Variants in ENAH observed in about 807,000 individuals in gnomAD.
ENAH encodes ENAH actin regulator, also known as protein enabled homolog.
Under a neutral mutation model 78.7 loss-of-function variants are expected in ENAH, and 23 were observed. The observed-to-expected ratio is 0.29, with a 90% CI of 0.21 to 0.41. The LOEUF is 0.41. Ranked by LOEUF, ENAH falls within the 10% of genes least tolerant of loss-of-function variation. The probability of loss-of-function intolerance (pLI) is 1.00; values close to 1 mark genes in which losing one functional copy is unlikely to be tolerated. For synonymous variants in ENAH, 226 were observed against 241.0 expected (o/e 0.94, Z 0.58); for missense variants, 544 against 691.0 (o/e 0.79, Z 2.39).
chr1:225,494,072 A>AAAAAC lies in ENAH; in HGVS notation c.*3702_*3703insGTTTT, dbSNP rs1416783619. 6.6e-6 allele frequency: 1 copy of AAAAAC among 150,620 alleles called. No homozygotes were observed. The highest frequency in any genetic ancestry group is 1.5e-5 in the Non-Finnish European group (1 of 67,570). 9.3% of individuals were successfully genotyped at this position (150,620 alleles called of 1,614,324 possible). On this transcript the variant is annotated 3_prime_UTR_variant, in exon 14 of 14. Coordinates refer to ENST00000366843, the MANE Select transcript of ENAH (RefSeq NM_018212.6). ...CATGAGACAGGCTAGAGCAAAAAAA[A>AAAAAC]AAAAAAAAAAACAGCTGAAAATTTT...
At chr1:225,650,870 A>AAG (rs1662855679) in intron 1 of ENAH, among the ~76,000 whole-genome samples, 2 of 150,352 alleles carry the variant, frequency 1.3e-5, no homozygotes, top group Non-Finnish European at 3.0e-5. Flanking sequence ...AAAAAAAAAA[A>AAG]AAAAAAAACT....
At chr1:225,524,745 G>A (rs1028156617) in intron 4 of ENAH, 2 of 746,040 alleles carry the variant, frequency 2.7e-6, no homozygotes, top group African/African-American at 3.8e-5. Context: ...TAGTACTGGT[G>A]ATTTGCGAAC....
chr1:225,511,545 T>G (rs1189980340), intron 10 of ENAH, among the ~76,000 whole-genome samples: 3 of 152,242 alleles, frequency 2.0e-5, no homozygotes, highest in Non-Finnish European at 4.4e-5. Flanking sequence ...CTCACTTTAT[T>G]TTTACCTCTA....
intron 3 of ENAH, among the ~76,000 whole-genome samples, chr1:225,554,426 A>G (rs1346590485): frequency 6.6e-6 from 1 of 152,190 alleles, no homozygotes; most frequent in Non-Finnish European, 1.5e-5. Flanking sequence ...CACTCCTAAA[A>G]TCTTTAAAAA....
rs562877663 is a variant in ENAH at position 225,606,195 on chromosome 1, C to T, written c.6-38781G>A. On this transcript the variant is annotated intron_variant, in intron 1 of 13. Transcript: ENST00000366843. Reference sequence around the variant, plus strand: ...ACCATATTTTGGCCAGGTGCAGTGGCTCATGCCTGTAATCCCAGCACTTTG... The same window carrying T: ...ACCATATTTTGGCCAGGTGCAGTGGTTCATGCCTGTAATCCCAGCACTTTG... Among the ~76,000 whole-genome samples the T allele has an allele frequency of 7.2e-5, 11 of 152,186 alleles. No individual in the cohort carries two copies. In the South Asian group the frequency reaches 2.1e-3, roughly 29 times the overall value.
At chr1:225,509,673 C>T (rs564387354) in intron 10 of ENAH, among the ~76,000 whole-genome samples, 3 of 152,190 alleles carry the variant, frequency 2.0e-5, no homozygotes, top group Non-Finnish European at 2.9e-5. Flanking sequence ...TAAATGTCCA[C>T]TGAACTCAGT....
At chr1:225,581,275 C>A in intron 1 of ENAH, 3 of 984,810 alleles carry the variant, frequency 3.0e-6, no homozygotes, top group Non-Finnish European at 3.6e-6. Context: ...TCTTCTTTTC[C>A]TCACATTATT....
intron 5 of ENAH, 176 bp downstream of exon 5, chr1:225,519,022 A>T: frequency 9.5e-7 from 1 of 1,048,858 alleles, no homozygotes; most frequent in Non-Finnish European, 1.4e-6. Context: ...AAAGCAATAC[A>T]GAGAGAAATA....
At chr1:225,542,583 C>T (rs1315756287) in intron 3 of ENAH, among the ~76,000 whole-genome samples, 1 of 152,220 alleles carries the variant, frequency 6.6e-6, no homozygotes, top group Non-Finnish European at 1.5e-5. Context: ...TCTAAAACAA[C>T]ACAAGACAGC....
chr1:225,501,110 T>C (rs745803565), intron 11 of ENAH, 40 bp from the exon 12 acceptor site: 10 of 1,471,662 alleles, frequency 6.8e-6, no homozygotes, highest in South Asian at 1.2e-5. Context: ...AACAACATTC[T>C]TAATACTTAA....
At chr1:225,557,957 C>T (rs2096675708) in intron 2 of ENAH, among the ~76,000 whole-genome samples, 1 of 152,136 alleles carries the variant, frequency 6.6e-6, no homozygotes, top group South Asian at 2.1e-4. Flanking sequence ...TTTATCAAGT[C>T]CTCCCCAACA....
chr1:225,499,668 T>C (rs1004619362), intron 12 of ENAH, among the ~76,000 whole-genome samples: 2 of 152,054 alleles, frequency 1.3e-5, no homozygotes, highest in Non-Finnish European at 2.9e-5. Flanking sequence ...TGAGACTCTG[T>C]CTCAAAAACA....
At chr1:225,602,626 T>C (rs1036331099) in intron 1 of ENAH, among the ~76,000 whole-genome samples, 5 of 152,094 alleles carry the variant, frequency 3.3e-5, no homozygotes, top group Non-Finnish European at 7.4e-5. Context: ...AAAGGTTATA[T>C]ATATATATCA....
intron 1 of ENAH, among the ~76,000 whole-genome samples, chr1:225,580,812 G>A (rs2096812635): frequency 6.6e-6 from 1 of 150,850 alleles, no homozygotes; most frequent in African/African-American, 2.4e-5. Flanking sequence ...AGCTACTTGG[G>A]AGGCTGAAGC....
In ENAH at chr1:225,517,288, T is replaced by G; in HGVS notation, c.821A>C (p.Glu274Ala). 2 of 1,551,762 alleles carry G rather than the reference T, an allele frequency of 1.3e-6. No homozygotes were observed. The highest frequency in any genetic ancestry group is 1.7e-6 in the Non-Finnish European group (2 of 1,147,090). ...TCCCAGCACAGAGTTTAGAGGAGTCTCAACAGAGGCAGGGGCAGCTGCAGA... is the reference window on the plus strand; with the variant it reads ...TCCCAGCACAGAGTTTAGAGGAGTCGCAACAGAGGCAGGGGCAGCTGCAGA... ...ISSAAAPASV[E>A]TPLNSVLGDS... Residue 274 changes from glutamate to alanine, a missense_variant, in exon 6 of 14, where the codon GAG becomes GCG. Physicochemically the swap from Glu to Ala is moderately radical, Grantham distance 107. This residue lies in a region of ENAH where 366 missense variants were observed against 396.1 expected (regional missense o/e 0.92). Transcript: ENST00000366843.
Position 225,496,306 on chromosome 1 carries a change from C to CA in ENAH, c.*1468dup, listed in dbSNP as rs1047565194. 2 of 152,222 alleles carry CA rather than the reference C, an allele frequency of 1.3e-5. No homozygotes were observed. The highest frequency in any genetic ancestry group is 2.4e-5 in the African/African-American group (1 of 41,444). 9.4% of individuals were successfully genotyped at this position (152,222 alleles called of 1,614,324 possible). A position where few individuals can be genotyped will look rare whatever the true frequency, so the allele number is the denominator to read the frequency against. On this transcript the variant is annotated 3_prime_UTR_variant, in exon 14 of 14. Transcript: ENST00000366843. Reference sequence around the variant, plus strand: ...GAGCACACACACGCAGAGTGGCAGGCAGAGTGTCTAATTCCTTCTTCCCAC... The same window carrying CA: ...GAGCACACACACGCAGAGTGGCAGGCAAGAGTGTCTAATTCCTTCTTCCCAC...
At chr1:225,599,782 C>T (rs1392654603) in intron 1 of ENAH, among the ~76,000 whole-genome samples, 2 of 138,318 alleles carry the variant, frequency 1.4e-5, no homozygotes, top group Non-Finnish European at 3.1e-5. Context: ...GGCGACAGGG[C>T]CGAGACTCCG....
At chr1:225,524,470 G>T in intron 4 of ENAH, 2 of 317,024 alleles carry the variant, frequency 6.3e-6, no homozygotes, top group Non-Finnish European at 9.1e-6. Context: ...AAACTACACA[G>T]ATACAGTTTG....
At chr1:225,537,033 G>A (rs1251644481) in intron 3 of ENAH, among the ~76,000 whole-genome samples, 2 of 151,654 alleles carry the variant, frequency 1.3e-5, no homozygotes, top group South Asian at 2.1e-4. Context: ...CTGTCTTACC[G>A]ACGTTTGCAA....
Sources: allele counts gnomAD v4.1 joint callset (sites outside exome capture counted in the v4.1 genomes callset), GRCh38; gene constraint gnomAD v4.1.1; regional missense constraint gnomAD v4.1.1; transcripts MANE v1.5; gene names NCBI Gene and HGNC (gene_info 2026-07-23, HGNC 2026-07-21).